ASDURF: variants seen among roughly 807,000 people sequenced by gnomAD.
ASDURF encodes the protein ASDURF protein.
In ASDURF, 3 loss-of-function variants were observed where a neutral mutation model predicts 3.3. The ratio of observed to expected loss-of-function variants is 0.92; its 90% CI spans 0.42 to 2.37. The LOEUF (loss-of-function observed/expected upper bound fraction) is 2.37, where lower values mean the gene tolerates loss of function less well. Ranked by LOEUF, ASDURF falls within the 30% of genes most tolerant of loss-of-function variation. The probability of loss-of-function intolerance (pLI) is 0.05; values close to 1 mark genes in which losing one functional copy is unlikely to be tolerated. For missense variants in ASDURF, 23 were observed against 25.4 expected (o/e 0.90, Z 0.21); for synonymous variants, 11 against 8.3 (o/e 1.32, Z -0.55).
At chr2:189,662,569 G>T (rs1267119487) in intron 1 of ASDURF, among the ~76,000 whole-genome samples, 1 of 152,062 alleles carries the variant, frequency 6.6e-6, no homozygotes, top group Non-Finnish European at 1.5e-5. Context: ...GGGATTGGGG[G>T]TGAATTTTCA....
At chr2:189,664,074 C>T in intron 2 of ASDURF, 120 bp downstream of exon 2, 1 of 332,428 alleles carries the variant, frequency 3.0e-6, no homozygotes, top group Non-Finnish European at 5.4e-6. Context: ...TATAGTATTT[C>T]AGCATCTTTT....
intron 2 of ASDURF, 85 bp downstream of exon 2, chr2:189,664,039 G>C: frequency 2.8e-6 from 1 of 355,992 alleles, no homozygotes; most frequent in Non-Finnish European, 5.0e-6. Flanking sequence ...GTATATATAA[G>C]ATTTAATCAT....
chr2:189,662,148 G>A (rs1574275380), intron 1 of ASDURF, among the ~76,000 whole-genome samples: 1 of 152,202 alleles, frequency 6.6e-6, no homozygotes, highest in Non-Finnish European at 1.5e-5. Flanking sequence ...CCTGTTAGCT[G>A]CTGCTTCTCC....
At chr2:189,665,588 ATATATATGTG>A (rs1375949595) in intron 3 of ASDURF, 137 bp downstream of exon 3, 13 of 17,076 alleles carry the variant, frequency 7.6e-4, no homozygotes, top group African/African-American at 1.9e-3. Flanking sequence ...CAACAGTTAT[ATATATATGTG>A]TATATATATA....
At chr2:189,664,478 C>T (rs1370567780) in intron 2 of ASDURF, among the ~76,000 whole-genome samples, 2 of 152,182 alleles carry the variant, frequency 1.3e-5, no homozygotes, top group African/African-American at 4.8e-5. Flanking sequence ...TGTCAAATTG[C>T]ATTTTAACAT....
chr2:189,661,674 G>T (rs1228605293), intron 1 of ASDURF, 64 bp downstream of exon 1: 3 of 399,080 alleles, frequency 7.5e-6, no homozygotes, highest in Non-Finnish European at 1.3e-5. Context: ...GACCCTGAAG[G>T]TGGTCCGCAG....
chr2:189,663,665 AC>A (rs1459217249), intron 1 of ASDURF, among the ~76,000 whole-genome samples: 1 of 152,308 alleles, frequency 6.6e-6, no homozygotes, highest in East Asian at 1.9e-4. Context: ...TTAATGGGTT[AC>A]CTAACATTTT....
intron 1 of ASDURF, among the ~76,000 whole-genome samples, chr2:189,663,576 C>T (rs1411147031): frequency 6.6e-6 from 1 of 152,190 alleles, no homozygotes; most frequent in Non-Finnish European, 1.5e-5. Context: ...ATATTTTTAA[C>T]AAAAGGTATA....
chr2:189,662,711 A>G (rs978557308), intron 1 of ASDURF, among the ~76,000 whole-genome samples: 6 of 152,266 alleles, frequency 3.9e-5, no homozygotes, highest in East Asian at 1.9e-4. Flanking sequence ...TTGTGATACT[A>G]TGTAATCAGT....
At chr2:189,665,029 G>T (rs1026297465) in intron 2 of ASDURF, among the ~76,000 whole-genome samples, 4 of 152,218 alleles carry the variant, frequency 2.6e-5, no homozygotes, top group Non-Finnish European at 5.9e-5. Context: ...ATAGCAGTAG[G>T]TATAATTTGG....
chr2:189,665,914 T>C, intron 3 of ASDURF, 127 bp from the exon 4 acceptor site: 1 of 459,936 alleles, frequency 2.2e-6, no homozygotes, highest in East Asian at 3.2e-5. Flanking sequence ...TTATCATTGG[T>C]ACTGGCACAG....
At chr2:189,664,693 G>A (rs1485626627) in intron 2 of ASDURF, among the ~76,000 whole-genome samples, 2 of 151,610 alleles carry the variant, frequency 1.3e-5, no homozygotes, top group Admixed American at 6.6e-5. Context: ...AGGTTGCAGT[G>A]AGCTGAGCAC....
intron 1 of ASDURF, among the ~76,000 whole-genome samples, chr2:189,662,965 AAAAAG>A (rs1318291597): frequency 1.3e-5 from 2 of 151,182 alleles, no homozygotes; most frequent in Non-Finnish European, 3.0e-5. Flanking sequence ...AAAAAAAAAA[AAAAAG>A]CCCAGTTCAA....
At chr2:189,665,158 C>T (rs988234692) in intron 2 of ASDURF, among the ~76,000 whole-genome samples, 1 of 151,996 alleles carries the variant, frequency 6.6e-6, no homozygotes, top group African/African-American at 2.4e-5. Flanking sequence ...ACAGTAAGAA[C>T]CTTTTTTGTT....
At chr2:189,663,726 C>A (rs550484778) in intron 1 of ASDURF, among the ~76,000 whole-genome samples, 175 bp from the exon 2 acceptor site, 2 of 152,270 alleles carry the variant, frequency 1.3e-5, no homozygotes, top group East Asian at 3.9e-4. Flanking sequence ...GAACTGTACC[C>A]CCACACAGAG....
At position 189,663,896 on chromosome 2, in the gene ASDURF, A is replaced by C. The variant is rs759880225; in HGVS notation, c.91-5A>C. The C allele has an allele frequency of 6.2e-5, 24 of 387,366 alleles. No homozygotes were observed. Among genetic ancestry groups the C allele is most frequent in the Non-Finnish European group, 9.6e-5 (21 of 218,122 alleles). 24.0% of individuals were successfully genotyped at this position (387,366 alleles called of 1,614,324 possible). A position where few individuals can be genotyped will look rare whatever the true frequency, so the allele number is the denominator to read the frequency against. On this transcript the variant is annotated splice_polypyrimidine_tract_variant and splice_region_variant and intron_variant, in intron 1 of 3. Coordinates refer to ENST00000607829, the MANE Select transcript of ASDURF (RefSeq NM_001353493.2). Reference sequence around the variant, plus strand: ...GACTTAAGGAGTTTTTCTTTATTTCAATAGATTAAAGAACAAAAAATTGTG... The same window carrying C: ...GACTTAAGGAGTTTTTCTTTATTTCCATAGATTAAAGAACAAAAAATTGTG...
Position 189,665,356 on chromosome 2 carries a change from G to A in ASDURF, c.145-20G>A, listed in dbSNP as rs748753805. On this transcript the variant is annotated intron_variant, in intron 2 of 3. Coordinates refer to ENST00000607829, the MANE Select transcript of ASDURF (RefSeq NM_001353493.2). ...CTTTTTAGATCAAAATTTGATATTAGCCTAAATTATGTTTTCCAGAAAGTA... is the reference window on the plus strand; with the variant it reads ...CTTTTTAGATCAAAATTTGATATTAACCTAAATTATGTTTTCCAGAAAGTA... The A allele has an allele frequency of 7.3e-5, 29 of 395,130 alleles. No individual in the cohort carries two copies. The highest frequency in any genetic ancestry group is 3.8e-4 in the South Asian group (3 of 7,810). 24.5% of individuals were successfully genotyped at this position (395,130 alleles called of 1,614,324 possible).
intron 3 of ASDURF, among the ~76,000 whole-genome samples, 181 bp downstream of exon 3, chr2:189,665,632 A>ATGTGTG (rs1232367448): frequency 3.3e-5 from 3 of 90,010 alleles, no homozygotes; most frequent in Non-Finnish European, 7.1e-5. Context: ...ATATATATAT[A>ATGTGTG]TATATATATA....
intron 1 of ASDURF, among the ~76,000 whole-genome samples, chr2:189,662,245 C>T (rs1204511001): frequency 6.6e-6 from 1 of 152,152 alleles, no homozygotes; most frequent in Non-Finnish European, 1.5e-5. Context: ...TAATATAAGC[C>T]TTAACTGCCA....
Sources: gnomAD v4.1 joint callset for allele counts (sites outside exome capture counted in the v4.1 genomes callset) on GRCh38, gnomAD v4.1.1 for gene constraint, MANE v1.5 for transcripts, NCBI Gene and HGNC (gene_info 2026-07-23, HGNC 2026-07-21) for gene names.